MAPK8IP3: variants seen among roughly 807,000 people sequenced by gnomAD.
The protein encoded by MAPK8IP3 is C-Jun-amino-terminal kinase-interacting protein 3.
Under a neutral mutation model 157.8 loss-of-function variants are expected in MAPK8IP3, and 49 were observed. That is an observed-to-expected ratio of 0.31 (90% CI 0.25 to 0.39). MAPK8IP3 has a LOEUF of 0.39. Among genes scored for constraint, MAPK8IP3 ranks in the 10% least tolerant of loss-of-function variants. The pLI is 1.00. For missense variants in MAPK8IP3, 1,478 were observed against 1,889.4 expected (o/e 0.78, Z 4.04); for synonymous variants, 897 against 777.7 (o/e 1.15, Z -2.55).
At chr16:1,739,327 TGTGAGA>T (rs2040431127) in intron 4 of MAPK8IP3, among the ~76,000 whole-genome samples, 2 of 132,964 alleles carry the variant, frequency 1.5e-5, no homozygotes, top group Admixed American at 7.6e-5. Context: ...TGACCATCCG[TGTGAGA>T]GTGTGACCAT....
rs765138754 is a variant in MAPK8IP3, at chr16:1,759,010, C to G, written c.1246+15C>G. The G allele has an allele frequency of 4.3e-6, 7 of 1,614,068 alleles. No homozygotes were observed. Among genetic ancestry groups the G allele is most frequent in the Non-Finnish European group, 5.9e-6 (7 of 1,180,024 alleles). On this transcript the variant is annotated intron_variant, in intron 10 of 31. Transcript: ENST00000610761. Reference sequence around the variant, plus strand: ...TGATTTCTTTGGTAAGGCTGAGGCCCCGTTCCAGCGTGCGTCGCTCCTCCA... The same window carrying G: ...TGATTTCTTTGGTAAGGCTGAGGCCGCGTTCCAGCGTGCGTCGCTCCTCCA...
rs559710129 is a variant in MAPK8IP3, at chr16:1,748,065, T to C, written c.995-179T>C. Among the ~76,000 whole-genome samples the C allele has an allele frequency of 2.0e-5, 3 of 152,300 alleles. No individual in the cohort carries two copies. The South Asian group carries it at 6.2e-4, about 32-fold the overall frequency. The stretch of plus-strand genomic sequence containing the variant: ...CGCTCCAGGCCCCGCCTCAGACGTC[T>C]ACTGTGCTGGGGTTCGACCTCTGCC... On this transcript the variant is annotated intron_variant, in intron 6 of 31. Transcript: ENST00000610761.
At chr16:1,737,487 CGTGT>C (rs1203976855) in intron 4 of MAPK8IP3, among the ~76,000 whole-genome samples, 1 of 82,432 alleles carries the variant, frequency 1.2e-5, no homozygotes, top group East Asian at 4.8e-4. Flanking sequence ...TGTGACCGTC[CGTGT>C]GAGCGTCCGT....
At chr16:1,758,954 T>C in intron 9 of MAPK8IP3, 24 bp from the exon 10 acceptor site, 1 of 1,614,078 alleles carries the variant, frequency 6.2e-7, no homozygotes, top group Non-Finnish European at 8.5e-7. Context: ...GCCCATCTCC[T>C]GTGGGACGGG....
intron 5 of MAPK8IP3, chr16:1,745,459 C>T (rs2040906954): frequency 1.3e-5 from 2 of 152,360 alleles, no homozygotes; most frequent in African/African-American, 4.8e-5. Context: ...ACATGAAGAG[C>T]AAGGGTTTTC....
At chr16:1,754,018 A>G (rs1039825497) in intron 8 of MAPK8IP3, among the ~76,000 whole-genome samples, 26 of 151,868 alleles carry the variant, frequency 1.7e-4, no homozygotes, top group African/African-American at 6.0e-4. Flanking sequence ...TAAAAATACA[A>G]AAGAATTAAC....
chr16:1,710,528 A>G lies in MAPK8IP3; in HGVS notation c.318+3871A>G, dbSNP rs2037704192. 6.6e-6 allele frequency among the ~76,000 whole-genome samples: 1 copy of G among 152,144 alleles called. No homozygotes were observed. The highest frequency in any genetic ancestry group is 2.4e-5 in the African/African-American group (1 of 41,422). ...ATAAATGTCATCCATTTCATAGACT[A>G]TTTGGGTAGGATTCAGCTGGAGAAA... On this transcript the variant is annotated intron_variant, in intron 1 of 31. Transcript: ENST00000610761. The surrounding 1 kb of genome is among the most constrained non-coding windows in gnomAD (Gnocchi z 4.1).
Position 1,763,002 on chromosome 16 carries a change from G to A in MAPK8IP3, c.1894G>A (p.Asp632Asn). Reference sequence around the variant, plus strand: ...CAGCCGGCCCCTGGAATTCTTCCCTGACGAGTGAGTGTCCCGCAGCCCCCA... The same window carrying A: ...CAGCCGGCCCCTGGAATTCTTCCCTAACGAGTGAGTGTCCCGCAGCCCCCA... Reference protein sequence around the residue: ...AGSRPLEFFPDDDCTSSARRE... With the variant: ...AGSRPLEFFPNDDCTSSARRE... Residue 632 changes from aspartate to asparagine, a missense_variant, in exon 16 of 32, where the codon GAC becomes AAC. This residue lies in a region of MAPK8IP3 where 669 missense variants were observed against 759.8 expected (regional missense o/e 0.88). Coordinates refer to ENST00000610761, the MANE Select transcript of MAPK8IP3 (RefSeq NM_001318852.2). 6.2e-7 allele frequency: 1 copy of A among 1,612,784 alleles called. No homozygotes were observed. Among genetic ancestry groups the A allele is most frequent in the African/African-American group, 1.3e-5 (1 of 75,074 alleles).
intron 19 of MAPK8IP3, 140 bp downstream of exon 19, chr16:1,764,599 G>A (rs538935869): frequency 3.4e-6 from 4 of 1,189,156 alleles, no homozygotes; most frequent in Admixed American, 2.7e-5. Flanking sequence ...CCTAGACTGC[G>A]GGAAGCAGTG....
chr16:1,706,537 A>G lies in MAPK8IP3; in HGVS notation c.198A>G (p.Leu66=). 1 of 1,613,924 alleles carries G rather than the reference A, an allele frequency of 6.2e-7. No homozygotes were observed. The highest frequency in any genetic ancestry group is 1.1e-5 in the South Asian group (1 of 91,020). Reference sequence around the variant, plus strand: ...TGGTGGTGAACGTGCTGGAGAACCTAGACTCGGTGCTCAGCGAGAACCAGG... The same window carrying G: ...TGGTGGTGAACGTGCTGGAGAACCTGGACTCGGTGCTCAGCGAGAACCAGG... The part of the protein sequence containing the change: ...MPLVVNVLEN[L]DSVLSENQEH... Residue 66 remains leucine, a synonymous_variant, in exon 1 of 32, where the codon CTA becomes CTG. Coordinates refer to ENST00000610761, the MANE Select transcript of MAPK8IP3 (RefSeq NM_001318852.2). The surrounding 1 kb of genome is among the most constrained non-coding windows in gnomAD (Gnocchi z 5.1).
rs2040746574 is a variant in MAPK8IP3, at chr16:1,742,571, T to G, written c.603-761T>G. ...GATATTTTGCAGTGAGGCAGCCTCA[T>G]GAACAGGAGTAATGAGGATGGGCAG... On this transcript the variant is annotated intron_variant, in intron 4 of 31. Coordinates refer to ENST00000610761, the MANE Select transcript of MAPK8IP3 (RefSeq NM_001318852.2). This position sits in a 1 kb window ranked among gnomAD's most constrained non-coding sequence, Gnocchi z 5.0. Among the ~76,000 whole-genome samples the G allele has an allele frequency of 2.0e-5, 3 of 152,090 alleles. No individual in the cohort carries two copies. The highest frequency in any genetic ancestry group is 7.2e-5 in the African/African-American group (3 of 41,412).
chr16:1,727,945 G>A (rs1025103678), intron 2 of MAPK8IP3, among the ~76,000 whole-genome samples: 2 of 152,236 alleles, frequency 1.3e-5, no homozygotes, highest in African/African-American at 4.8e-5. Context: ...AGGGCACCAC[G>A]CCGAGGACAG....
chr16:1,706,453 CGAG>C lies in MAPK8IP3; in HGVS notation c.115_117del (p.Glu39del). On this transcript the variant is annotated inframe_deletion, in exon 1 of 32. Coordinates refer to ENST00000610761, the MANE Select transcript of MAPK8IP3 (RefSeq NM_001318852.2). This position sits in a 1 kb window ranked among gnomAD's most constrained non-coding sequence, Gnocchi z 5.1. ...CGGGCCTGGCGGGCTCCATCTACCG[CGAG>C]TTCGAGCGCCTCATCCACTGCTACG... 1 of 1,613,988 alleles carries C rather than the reference CGAG, an allele frequency of 6.2e-7. No individual in the cohort carries two copies. Among genetic ancestry groups the C allele is most frequent in the Non-Finnish European group, 8.5e-7 (1 of 1,179,986 alleles).
chr16:1,741,345 A>G lies in MAPK8IP3; in HGVS notation c.603-1987A>G, dbSNP rs2040667032. Reference sequence around the variant, plus strand: ...GGGGCCGGTGGGGAGGAGCAAAGGAAAGAGTGAAGGCAGCTCCTGATCCTG... The same window carrying G: ...GGGGCCGGTGGGGAGGAGCAAAGGAGAGAGTGAAGGCAGCTCCTGATCCTG... On this transcript the variant is annotated intron_variant, in intron 4 of 31. Coordinates refer to ENST00000610761, the MANE Select transcript of MAPK8IP3 (RefSeq NM_001318852.2). The surrounding 1 kb of genome is among the most constrained non-coding windows in gnomAD (Gnocchi z 6.9). 6.6e-6 allele frequency among the ~76,000 whole-genome samples: 1 copy of G among 152,064 alleles called. No homozygotes were observed. The highest frequency in any genetic ancestry group is 6.5e-5 in the Admixed American group (1 of 15,272).
rs1224349621 is a variant in MAPK8IP3, at chr16:1,762,937, G to A, written c.1829G>A (p.Ser610Asn). 2.5e-6 allele frequency: 4 copies of A among 1,612,918 alleles called. No individual in the cohort carries two copies. The highest frequency in any genetic ancestry group is 3.4e-6 in the Non-Finnish European group (4 of 1,180,006). ...HYKSPTTAGF[S>N]QRRNHAMCPI... is the part of the protein sequence containing the mutation. Reference sequence around the variant, plus strand: ...AAGTCACCCACCACTGCCGGCTTCAGCCAGCGCCGCAACCATGCCATGTGC... The same window carrying A: ...AAGTCACCCACCACTGCCGGCTTCAACCAGCGCCGCAACCATGCCATGTGC... Residue 610 changes from serine (S) to asparagine (N), a missense_variant, in exon 16 of 32, where the codon AGC becomes AAC. Around this residue, in one of 11 missense-constraint regions of MAPK8IP3, gnomAD observed 669 missense variants for 759.8 expected, o/e 0.88. Coordinates refer to ENST00000610761, the MANE Select transcript of MAPK8IP3 (RefSeq NM_001318852.2).
At chr16:1,764,082 T>C (rs1236186597) in intron 17 of MAPK8IP3, 33 bp from the exon 18 acceptor site, 10 of 1,557,088 alleles carry the variant, frequency 6.4e-6, no homozygotes, top group Non-Finnish European at 8.7e-6. Context: ...GGAGCCAGGG[T>C]TCGTGCCCAC....
intron 2 of MAPK8IP3, among the ~76,000 whole-genome samples, chr16:1,725,128 A>G (rs991655051): frequency 6.6e-6 from 1 of 151,140 alleles, no homozygotes; most frequent in Non-Finnish European, 1.5e-5. Flanking sequence ...TGTCCCCTGC[A>G]AGGCGAAGTA....
At position 1,760,342 on chromosome 16, in the gene MAPK8IP3, C is replaced by T. The variant is rs750532016; in HGVS notation, c.1305-38C>T. On this transcript the variant is annotated intron_variant, in intron 11 of 31. Transcript: ENST00000610761. ...AAGGCCCCTTCACGTACCTGTATGCCGCGCCCGTGGCACTCCCATCTTTCT... is the reference window on the plus strand; with the variant it reads ...AAGGCCCCTTCACGTACCTGTATGCTGCGCCCGTGGCACTCCCATCTTTCT... 1.1e-5 allele frequency: 18 copies of T among 1,589,410 alleles called. No individual in the cohort carries two copies. In the Admixed American group the frequency reaches 1.5e-4, roughly 14 times the overall value.
chr16:1,738,641 C>T (rs887450708), intron 4 of MAPK8IP3, among the ~76,000 whole-genome samples: 1 of 118,452 alleles, frequency 8.4e-6, no homozygotes, highest in African/African-American at 3.3e-5. Context: ...AGCGTGTGAG[C>T]GTCCGTGTGA....
Sources: gnomAD v4.1 joint callset for allele counts (sites outside exome capture counted in the v4.1 genomes callset) on GRCh38, gnomAD v4.1.1 for gene constraint, gnomAD v4.1.1 regional missense constraint, Gnocchi (gnomAD v3.1) non-coding constraint, MANE v1.5 for transcripts, NCBI Gene and HGNC (gene_info 2026-07-23, HGNC 2026-07-21) for gene names.